The following MORC2 variants were observed in gnomAD, a reference collection of about 807,000 sequenced individuals.
The protein encoded by MORC2 is ATPase MORC2.
In MORC2, 30 loss-of-function variants were observed where a neutral mutation model predicts 136.0. The observed-to-expected ratio is 0.22, with a 90% CI of 0.17 to 0.30. The LOEUF is 0.30. Ranked by LOEUF, MORC2 falls within the 10% of genes least tolerant of loss-of-function variation. The pLI, the probability that MORC2 is intolerant of heterozygous loss-of-function variation, is 1.00. For missense variants in MORC2, 922 were observed against 1,333.1 expected, an observed-to-expected ratio of 0.69 and a Z score of 4.80; for synonymous variants, 439 against 487.0, an observed-to-expected ratio of 0.90 and a Z score of 1.30.
chr22:30,928,409 A>G (rs534685005), intron 24 of MORC2, among the ~76,000 whole-genome samples: 1 of 152,300 alleles, frequency 6.6e-6, no homozygotes, highest in South Asian at 2.1e-4. Context: ...GCCACAAGGA[A>G]GAAGACAATT....
At chr22:30,957,954 T>C (rs919628323) in intron 2 of MORC2, among the ~76,000 whole-genome samples, 1 of 152,240 alleles carries the variant, frequency 6.6e-6, no homozygotes, top group African/African-American at 2.4e-5. Context: ...CATCAAAACC[T>C]AGTCAGTAAA....
intron 3 of MORC2, among the ~76,000 whole-genome samples, chr22:30,955,808 A>G (rs1299494049): frequency 6.6e-6 from 1 of 151,954 alleles, no homozygotes; most frequent in Non-Finnish European, 1.5e-5. Context: ...CATGAGTTTG[A>G]GACCAGCCTG....
chr22:30,926,739 C>A lies in MORC2; in HGVS notation c.*64G>T. The stretch of plus-strand genomic sequence containing the variant: ...CGACCACCAACCCATGAATGAAGTC[C>A]CCTCCCCCTGCAGCTACAGGGTTGA... On this transcript the variant is annotated 3_prime_UTR_variant, in exon 26 of 26. Transcript: ENST00000397641. 1 of 1,416,644 alleles carries A rather than the reference C, an allele frequency of 7.1e-7. No individual in the cohort carries two copies. Among genetic ancestry groups the A allele is most frequent in the Non-Finnish European group, 9.9e-7 (1 of 1,013,176 alleles). The allele number at this position is 1,416,644 out of a possible 1,614,324, so 87.8% of individuals were successfully genotyped here. A position where few individuals can be genotyped will look rare whatever the true frequency, so the allele number is the denominator to read the frequency against.
At chr22:30,963,311 T>G in intron 1 of MORC2, 2 of 984,610 alleles carry the variant, frequency 2.0e-6, no homozygotes, top group Non-Finnish European at 2.4e-6. Context: ...AAACATCCTT[T>G]GCATGTGATC....
Position 30,937,562 on chromosome 22 carries a change from G to T in MORC2, c.1498+21C>A. On this transcript the variant is annotated intron_variant, in intron 15 of 25. Transcript: ENST00000397641. The surrounding 1 kb of genome is among the most constrained non-coding windows in gnomAD (Gnocchi z 4.7). The stretch of plus-strand genomic sequence containing the variant: ...GTGGGCTGATGGAAATGAGTCGGGG[G>T]GGTCCAACCACCCAACTCACCGCAC... 2 of 1,610,484 alleles carry T rather than the reference G, an allele frequency of 1.2e-6. No homozygotes were observed. The highest frequency in any genetic ancestry group is 1.7e-6 in the Non-Finnish European group (2 of 1,179,128).
Position 30,933,364 on chromosome 22 carries a change from C to A in MORC2, c.2380+102G>T, listed in dbSNP as rs1290114255. On this transcript the variant is annotated intron_variant, in intron 21 of 25. Coordinates refer to ENST00000397641, the MANE Select transcript of MORC2 (RefSeq NM_001303256.3). ...GCTGCACAAGAGCCCAGACCCAGGA[C>A]AGATTCAATGAGCCTTTGGTAAATT... 18 of 1,313,530 alleles carry A rather than the reference C, an allele frequency of 1.4e-5. No homozygotes were observed. In the East Asian group the frequency reaches 3.2e-4, roughly 24 times the overall value. 81.4% of individuals were successfully genotyped at this position (1,313,530 alleles called of 1,614,324 possible).
chr22:30,952,712 C>A (rs145248800), intron 3 of MORC2, among the ~76,000 whole-genome samples: 2 of 152,182 alleles, frequency 1.3e-5, no homozygotes, highest in African/African-American at 4.8e-5. Context: ...AATGCTTATG[C>A]CAATCACTTG....
Position 30,933,069 on chromosome 22 carries a change from G to A in MORC2, c.2381-39C>T, listed in dbSNP as rs2074578. 9.3e-6 allele frequency: 15 copies of A among 1,610,058 alleles called. No individual in the cohort carries two copies. The South Asian group carries it at 1.2e-4, about 13-fold the overall frequency. Reference sequence around the variant, plus strand: ...CAGAGGTGCGAGTCAGAAAACTAGCGTAGAGTCCCTCACTTGGCCTGGGCC... The same window carrying A: ...CAGAGGTGCGAGTCAGAAAACTAGCATAGAGTCCCTCACTTGGCCTGGGCC... On this transcript the variant is annotated intron_variant, in intron 21 of 25. Coordinates refer to ENST00000397641, the MANE Select transcript of MORC2 (RefSeq NM_001303256.3).
chr22:30,967,721 T>C, intron 1 of MORC2, 101 bp downstream of exon 1: 1 of 1,527,498 alleles, frequency 6.5e-7, no homozygotes, highest in Non-Finnish European at 8.8e-7. Context: ...GTGGGATACA[T>C]CTCAAAAAGT....
intron 1 of MORC2, among the ~76,000 whole-genome samples, chr22:30,962,996 CAG>C (rs1184081692): frequency 1.2e-4 from 18 of 150,516 alleles, no homozygotes; most frequent in Admixed American, 1.1e-3. Context: ...TTTTTTGAGA[CAG>C]AGTCTCGCTC....
Position 30,934,135 on chromosome 22 carries a change from CTCCTCAACTTCT to C in MORC2, c.2238_2249del (p.Val748_Glu751del), listed in dbSNP as rs765247737. 6.2e-7 allele frequency: 1 copy of C among 1,614,020 alleles called. No homozygotes were observed. Among genetic ancestry groups the C allele is most frequent in the African/African-American group, 1.3e-5 (1 of 74,894 alleles). Reference sequence around the variant, plus strand: ...ACCTCTCCTTCCTCCTCTCAGCTTCCTCCTCAACTTCTTCCTCATCAGAAACTGCGACACTCC... The same window carrying C: ...ACCTCTCCTTCCTCCTCTCAGCTTCCTCCTCATCAGAAACTGCGACACTCC... On this transcript the variant is annotated inframe_deletion, in exon 20 of 26. Coordinates refer to ENST00000397641, the MANE Select transcript of MORC2 (RefSeq NM_001303256.3). This position sits in a 1 kb window ranked among gnomAD's most constrained non-coding sequence, Gnocchi z 4.4.
chr22:30,962,090 T>G (rs2041054986), intron 1 of MORC2, among the ~76,000 whole-genome samples: 1 of 151,292 alleles, frequency 6.6e-6, no homozygotes, highest in African/African-American at 2.4e-5. Context: ...CCTAACTACT[T>G]GAGAGGCTGA....
At chr22:30,964,108 A>G (rs969866403) in intron 1 of MORC2, among the ~76,000 whole-genome samples, 4 of 152,182 alleles carry the variant, frequency 2.6e-5, no homozygotes, top group Non-Finnish European at 5.9e-5. Flanking sequence ...CTGTAATCCC[A>G]GCACTTTGGG....
At chr22:30,944,141 T>A (rs2040780469) in intron 6 of MORC2, among the ~76,000 whole-genome samples, 1 of 152,192 alleles carries the variant, frequency 6.6e-6, no homozygotes, top group South Asian at 2.1e-4. Flanking sequence ...CAACTGAAAA[T>A]GATCTTATTT....
chr22:30,926,685 A>C lies in MORC2; in HGVS notation c.*118T>G. ...AGGGTATCTTTTCCTCCAAAAACAC[A>C]AATGTCCCGTGTAAGTCAAACCAAG... On this transcript the variant is annotated 3_prime_UTR_variant, in exon 26 of 26. Transcript: ENST00000397641. 2 of 595,398 alleles carry C rather than the reference A, an allele frequency of 3.4e-6. No homozygotes were observed. Among genetic ancestry groups the C allele is most frequent in the Non-Finnish European group, 5.7e-6 (2 of 348,618 alleles). The allele number at this position is 595,398 out of a possible 1,614,324, so 36.9% of individuals were successfully genotyped here.
At chr22:30,948,004 C>T (rs1406344376) in intron 5 of MORC2, among the ~76,000 whole-genome samples, 2 of 152,180 alleles carry the variant, frequency 1.3e-5, no homozygotes, top group Non-Finnish European at 2.9e-5. Flanking sequence ...GGCTCCATCT[C>T]AATGGGACCT....
intron 6 of MORC2, among the ~76,000 whole-genome samples, chr22:30,944,963 T>C (rs1341313954): frequency 6.6e-6 from 1 of 152,184 alleles, no homozygotes; most frequent in Non-Finnish European, 1.5e-5. Flanking sequence ...TACTGGCACA[T>C]CCTTGCTTAA....
At chr22:30,946,596 T>C in intron 5 of MORC2, 147 bp from the exon 6 acceptor site, 1 of 591,878 alleles carries the variant, frequency 1.7e-6, no homozygotes, top group Non-Finnish European at 2.9e-6. Flanking sequence ...TGTGCTGAGT[T>C]CCACAGCCCT....
chr22:30,957,122 T>A (rs1164046954), intron 2 of MORC2, among the ~76,000 whole-genome samples: 1 of 152,232 alleles, frequency 6.6e-6, no homozygotes, highest in Non-Finnish European at 1.5e-5. Flanking sequence ...AAGAAATGAT[T>A]CAAATATGTT....
Sources: allele counts gnomAD v4.1 joint callset (sites outside exome capture counted in the v4.1 genomes callset), GRCh38; gene constraint gnomAD v4.1.1; non-coding constraint Gnocchi (gnomAD v3.1); transcripts MANE v1.5; gene names NCBI Gene and HGNC (gene_info 2026-07-23, HGNC 2026-07-21).